The following NUDT22 variants were observed in gnomAD, a reference collection of about 807,000 sequenced individuals.
The protein encoded by NUDT22 is uridine diphosphate glucose pyrophosphatase NUDT22.
NUDT22 carries 23 observed loss-of-function variants against 28.8 expected under a neutral mutation model. The ratio of observed to expected loss-of-function variants is 0.80; its 90% CI spans 0.58 to 1.13. The LOEUF is 1.13. Among genes scored for constraint, NUDT22 ranks in the 50% most tolerant of loss-of-function variants. The pLI, the probability that NUDT22 is intolerant of heterozygous loss-of-function variation, is 0.00. For synonymous variants in NUDT22, 175 were observed against 173.7 expected (o/e 1.01, Z -0.06); for missense variants, 358 against 387.3 (o/e 0.92, Z 0.64).
intron 3 of NUDT22, among the ~76,000 whole-genome samples, chr11:64,228,326 T>A (rs749995611): frequency 2.6e-5 from 4 of 151,486 alleles, no homozygotes; most frequent in Non-Finnish European, 4.4e-5. Context: ...TTCTTTTCAA[T>A]GGAAACAATG....
At chr11:64,226,576 G>A (rs1031893825) in intron 1 of NUDT22, 59 bp from the exon 2 acceptor site, 3 of 1,505,800 alleles carry the variant, frequency 2.0e-6, no homozygotes, top group African/African-American at 1.4e-5. Flanking sequence ...GGCTAGCTGC[G>A]CAGCCCAGGA....
intron 4 of NUDT22, 32 bp downstream of exon 4, chr11:64,229,376 T>C: frequency 6.2e-7 from 1 of 1,611,652 alleles, no homozygotes; most frequent in Non-Finnish European, 8.5e-7. Context: ...ATCCTGGGTC[T>C]TGGGAAGGTG....
At chr11:64,227,710 G>T in intron 3 of NUDT22, 44 bp downstream of exon 3, 5 of 1,519,774 alleles carry the variant, frequency 3.3e-6, no homozygotes, top group Middle Eastern at 1.7e-4. Flanking sequence ...ATGAAGGGAG[G>T]GGGTAGGACT....
intron 5 of NUDT22, 137 bp from the exon 6 acceptor site, chr11:64,229,713 G>T: frequency 7.3e-7 from 1 of 1,370,030 alleles, no homozygotes; most frequent in Non-Finnish European, 1.0e-6. Flanking sequence ...CAAGGGAAAG[G>T]TCCAGGGACA....
Position 64,226,930 on chromosome 11 carries a change from CCAA to C in NUDT22, c.280_282del (p.Asn94del), listed in dbSNP as rs1947042332. On this transcript the variant is annotated inframe_deletion, in exon 2 of 6. Transcript: ENST00000279206. ...ACTTCCTACCGAGACTTCCTGGGCA[CCAA>C]CTGGTCCAGCTCAGCTGCCTGGCTG... 6.2e-7 allele frequency: 1 copy of C among 1,602,172 alleles called. No homozygotes were observed. The highest frequency in any genetic ancestry group is 1.3e-5 in the African/African-American group (1 of 74,950).
chr11:64,227,493 G>A, intron 2 of NUDT22, 75 bp from the exon 3 acceptor site: 1 of 1,118,632 alleles, frequency 8.9e-7, no homozygotes, highest in Non-Finnish European at 1.4e-6. Flanking sequence ...AAGGCCAGCA[G>A]GTATAGGCTT....
At position 64,229,893 on chromosome 11, in the gene NUDT22, G is replaced by A. The variant is rs1947143803; in HGVS notation, c.815G>A (p.Cys272Tyr). The change falls in exon 6 of 6, where the codon TGC (cysteine) becomes TAC (tyrosine). Residue 272 changes from cysteine (C) to tyrosine (Y), a missense_variant. Physicochemically the swap from Cys to Tyr is radical, Grantham distance 194. Coordinates refer to ENST00000279206, the MANE Select transcript of NUDT22 (RefSeq NM_032344.4). ...GAGACGGAGATGTGGGCTGAACTCT[G>A]CCCCTCGGCCAAAGGCGCCATCATC... Reference protein sequence around the residue: ...LLETEMWAELCPSAKGAIILY... With the variant: ...LLETEMWAELYPSAKGAIILY... 1 of 1,613,368 alleles carries A rather than the reference G, an allele frequency of 6.2e-7. No homozygotes were observed. The highest frequency in any genetic ancestry group is 1.1e-5 in the South Asian group (1 of 91,086).
chr11:64,227,336 G>A, intron 2 of NUDT22: 1 of 751,068 alleles, frequency 1.3e-6, no homozygotes, highest in Non-Finnish European at 2.3e-6. Flanking sequence ...AACACGGGAG[G>A]AAAGATTGGG....
At chr11:64,227,929 G>A in intron 3 of NUDT22, 1 of 408,526 alleles carries the variant, frequency 2.4e-6, no homozygotes, top group South Asian at 2.3e-5. Flanking sequence ...GAATGCAGTG[G>A]CACGATCTCT....
rs2134968951 is a variant in NUDT22 at position 64,226,416 on chromosome 11, G to A, written c.-30G>A. 3 of 1,340,064 alleles carry A rather than the reference G, an allele frequency of 2.2e-6. No homozygotes were observed. The highest frequency in any genetic ancestry group is 1.9e-6 in the Non-Finnish European group (2 of 1,050,824). 83.0% of individuals were successfully genotyped at this position (1,340,064 alleles called of 1,614,324 possible). A position where few individuals can be genotyped will look rare whatever the true frequency, so the allele number is the denominator to read the frequency against. On this transcript the variant is annotated 5_prime_UTR_variant, in exon 1 of 6. Transcript: ENST00000279206. ...GGGCATTTGGGGCGCCTGAACCCAA[G>A]ACCTCTGGATGGTAGGGATGCCCGG...
chr11:64,229,189 G>T, intron 3 of NUDT22, 58 bp from the exon 4 acceptor site: 1 of 1,213,244 alleles, frequency 8.2e-7, no homozygotes, highest in Non-Finnish European at 1.2e-6. Context: ...AGACGGGCAG[G>T]GATGTGGGCA....
intron 1 of NUDT22, 93 bp from the exon 2 acceptor site, chr11:64,226,542 C>A (rs1426167682): frequency 1.8e-5 from 27 of 1,496,000 alleles, no homozygotes; most frequent in Non-Finnish European, 2.4e-5. Flanking sequence ...CTGCGGATAC[C>A]CTCAGGAGGT....
chr11:64,227,956 A>T, intron 3 of NUDT22: 1 of 305,364 alleles, frequency 3.3e-6, no homozygotes, highest in Non-Finnish European at 6.1e-6. Flanking sequence ...TGCAAGCTCC[A>T]CCTCCCGGGT....
chr11:64,229,909 C>A lies in NUDT22; in HGVS notation c.831C>A (p.Gly277=), dbSNP rs747325584. 5 of 1,613,218 alleles carry A rather than the reference C, an allele frequency of 3.1e-6. No individual in the cohort carries two copies. The Admixed American group carries it at 8.3e-5, about 27-fold the overall frequency. The change falls in exon 6 of 6, where the codon GGC becomes GGA. Residue 277 remains glycine, a synonymous_variant. Transcript: ENST00000279206. ...CTGAACTCTGCCCCTCGGCCAAAGG[C>A]GCCATCATCCTCTACAACCGGGTTC... is the stretch of plus-strand genomic sequence containing the variant. ...MWAELCPSAK[G]AIILYNRVQG...
chr11:64,227,777 T>C, intron 3 of NUDT22, 111 bp downstream of exon 3: 1 of 806,598 alleles, frequency 1.2e-6, no homozygotes, highest in South Asian at 1.5e-5. Context: ...TGGCCAGCAA[T>C]GAGGGAAGAA....
downstream of NUDT22, chr11:64,230,067 G>T: frequency 1.5e-6 from 2 of 1,300,836 alleles, no homozygotes; most frequent in Non-Finnish European, 2.2e-6. Context: ...TGGGCCCTGA[G>T]TGTGTAAGGC....
Position 64,226,346 on chromosome 11 carries a change from C to T in NUDT22, c.-100C>T. On this transcript the variant is annotated 5_prime_UTR_variant, in exon 1 of 6. Transcript: ENST00000279206. Reference sequence around the variant, plus strand: ...GCTTCCGGGCCCTGGAAAGGGGTCCCCGCGCGCCCCGGGTCGGAGGCAGAC... The same window carrying T: ...GCTTCCGGGCCCTGGAAAGGGGTCCTCGCGCGCCCCGGGTCGGAGGCAGAC... 8.2e-7 allele frequency: 1 copy of T among 1,226,066 alleles called. No homozygotes were observed. The highest frequency in any genetic ancestry group is 1.0e-6 in the Non-Finnish European group (1 of 981,064). 75.9% of individuals were successfully genotyped at this position (1,226,066 alleles called of 1,614,324 possible).
At chr11:64,230,144 G>A, downstream of NUDT22, 2 of 905,526 alleles carry the variant, frequency 2.2e-6, no homozygotes, top group Non-Finnish European at 3.5e-6. Flanking sequence ...CTGCAAGCAG[G>A]GGATAAGAAC....
Position 64,226,662 on chromosome 11 carries a change from G to C in NUDT22, c.10G>C (p.Glu4Gln). MDP[E>Q]VTLLLQCPGG... ...CTGCCCCGTTCAGACCATGGATCCT[G>C]AGGTGACCTTGCTGCTGCAGTGCCC... Residue 4 changes from glutamate (E) to glutamine (Q), a missense_variant, in exon 2 of 6, where the codon GAG becomes CAG. Glu to Gln is a conservative substitution (Grantham distance 29). Coordinates refer to ENST00000279206, the MANE Select transcript of NUDT22 (RefSeq NM_032344.4). The C allele has an allele frequency of 6.3e-7, 1 of 1,597,014 alleles. No individual in the cohort carries two copies. Among genetic ancestry groups the C allele is most frequent in the Non-Finnish European group, 8.5e-7 (1 of 1,172,358 alleles).
Sources: gnomAD v4.1 joint callset for allele counts (sites outside exome capture counted in the v4.1 genomes callset) on GRCh38, gnomAD v4.1.1 for gene constraint, MANE v1.5 for transcripts, NCBI Gene and HGNC (gene_info 2026-07-23, HGNC 2026-07-21) for gene names.